The following SLC25A26 variants were observed in gnomAD, a reference collection of about 807,000 sequenced individuals.
The protein encoded by SLC25A26 is solute carrier family 25 member 26, also known as mitochondrial S-adenosylmethionine carrier protein.
Under a neutral mutation model 37.8 loss-of-function variants are expected in SLC25A26, and 36 were observed. That is an observed-to-expected ratio of 0.95 (90% CI 0.73 to 1.26). The LOEUF (loss-of-function observed/expected upper bound fraction) is 1.26, where lower values mean the gene tolerates loss of function less well. Ranked by LOEUF, SLC25A26 falls within the 50% of genes most tolerant of loss-of-function variation. The pLI is 0.00. For missense variants in SLC25A26, 390 were observed against 331.1 expected, an observed-to-expected ratio of 1.18 and a Z score of -1.38; for synonymous variants, 129 against 122.5, an observed-to-expected ratio of 1.05 and a Z score of -0.35.
intron 1 of SLC25A26, among the ~76,000 whole-genome samples, chr3:66,235,685 A>G (rs568428363): frequency 6.6e-6 from 1 of 152,344 alleles, no homozygotes; most frequent in South Asian, 2.1e-4. Context: ...TCTGACGTGA[A>G]AAGATAAATC....
chr3:66,357,833 G>A (rs1216767793), intron 6 of SLC25A26, among the ~76,000 whole-genome samples: 1 of 152,146 alleles, frequency 6.6e-6, no homozygotes, highest in Non-Finnish European at 1.5e-5. Context: ...ATATGATAGT[G>A]AGGAAACAGA....
chr3:66,263,673 T>G (rs113426811), intron 5 of SLC25A26, among the ~76,000 whole-genome samples: 1 of 133,066 alleles, frequency 7.5e-6, no homozygotes, highest in East Asian at 2.1e-4. Flanking sequence ...TTGTTTGTTT[T>G]TTTGAAATGC....
chr3:66,334,324 T>C (rs905009469), intron 5 of SLC25A26, among the ~76,000 whole-genome samples: 2 of 152,118 alleles, frequency 1.3e-5, no homozygotes, highest in African/African-American at 4.8e-5. Flanking sequence ...CTTTGTTTTG[T>C]TTTGTTTTGA....
intron 5 of SLC25A26, among the ~76,000 whole-genome samples, chr3:66,287,695 G>A (rs1471355209): frequency 6.6e-6 from 1 of 152,190 alleles, no homozygotes. Flanking sequence ...ATCCAAGCAC[G>A]AAGGATCTTT....
intron 1 of SLC25A26, among the ~76,000 whole-genome samples, chr3:66,235,932 G>C (rs2072257240): frequency 1.3e-5 from 2 of 152,152 alleles, no homozygotes; most frequent in South Asian, 4.1e-4. Flanking sequence ...ATTTTTAAGA[G>C]ACAGGGTCTT....
At chr3:66,370,323 G>A (rs998285394) in intron 8 of SLC25A26, among the ~76,000 whole-genome samples, 2 of 152,166 alleles carry the variant, frequency 1.3e-5, no homozygotes, top group Admixed American at 6.5e-5. Flanking sequence ...GTGTGGCATG[G>A]GCCACATCCC....
chr3:66,312,635 A>G lies in SLC25A26; in HGVS notation c.454-33729A>G, dbSNP rs564354980. ...AACCCAAGACCCTGGTGGCGTAGGC[A>G]CTAGAGGGAATCTCCTCGTCTGTGG... On this transcript the variant is annotated intron_variant, in intron 5 of 9. Coordinates refer to ENST00000354883, the MANE Select transcript of SLC25A26 (RefSeq NM_001379210.1). Among the ~76,000 whole-genome samples, 7 of 152,146 alleles carry G rather than the reference A, an allele frequency of 4.6e-5. No individual in the cohort carries two copies. In the South Asian group the frequency reaches 1.5e-3, roughly 32 times the overall value.
chr3:66,288,994 T>C (rs1443631429), intron 5 of SLC25A26, among the ~76,000 whole-genome samples: 1 of 152,166 alleles, frequency 6.6e-6, no homozygotes, highest in African/African-American at 2.4e-5. Context: ...ATCTGTTGTT[T>C]CCTGACTTTT....
intron 5 of SLC25A26, among the ~76,000 whole-genome samples, chr3:66,341,337 A>C (rs1351503616): frequency 6.6e-6 from 1 of 152,162 alleles, no homozygotes; most frequent in African/African-American, 2.4e-5. Context: ...ACTTGTTTCC[A>C]GGGCTTTAGA....
intron 1 of SLC25A26, among the ~76,000 whole-genome samples, chr3:66,206,702 G>T (rs1001936004): frequency 2.0e-5 from 3 of 147,600 alleles, no homozygotes; most frequent in Non-Finnish European, 4.5e-5. Flanking sequence ...GTACTTACAG[G>T]TTCTTTTTTT....
At chr3:66,152,520 T>C (rs114953780) in intron 1 of SLC25A26, among the ~76,000 whole-genome samples, 7 of 152,178 alleles carry the variant, frequency 4.6e-5, no homozygotes, top group African/African-American at 1.4e-4. Flanking sequence ...TGGAGTGTCC[T>C]TTTCATTTTT....
chr3:66,277,319 A>G (rs1043574021), intron 5 of SLC25A26, among the ~76,000 whole-genome samples: 3 of 152,176 alleles, frequency 2.0e-5, no homozygotes, highest in African/African-American at 7.2e-5. Flanking sequence ...GTAAATATGT[A>G]TAATGTATCA....
intron 5 of SLC25A26, 32 bp downstream of exon 5, chr3:66,263,411 G>C: frequency 7.1e-7 from 1 of 1,404,448 alleles, no homozygotes; most frequent in Non-Finnish European, 1.0e-6. Context: ...ATTGAAGTAC[G>C]AAAGAATGAT....
intron 1 of SLC25A26, among the ~76,000 whole-genome samples, chr3:66,204,388 T>C (rs2071147874): frequency 2.5e-5 from 3 of 122,446 alleles, no homozygotes; most frequent in African/African-American, 8.8e-5. Flanking sequence ...ATCGCGCCAC[T>C]GCACTCCAGC....
At chr3:66,363,856 TCAA>T (rs1240869018) in intron 7 of SLC25A26, among the ~76,000 whole-genome samples, 1 of 152,202 alleles carries the variant, frequency 6.6e-6, no homozygotes, top group Non-Finnish European at 1.5e-5. Flanking sequence ...GAATTGATAA[TCAA>T]CAATAAGAAT....
At chr3:66,145,945 G>C (rs140724193) in intron 1 of SLC25A26, among the ~76,000 whole-genome samples, 293 of 152,240 alleles carry the variant, frequency 1.9e-3, no homozygotes, top group Middle Eastern at 6.8e-3. Flanking sequence ...ACTTTTGTGT[G>C]ATTAAAGTTT....
chr3:66,347,745 C>T (rs1047039982), intron 6 of SLC25A26, among the ~76,000 whole-genome samples: 1 of 152,184 alleles, frequency 6.6e-6, no homozygotes, highest in African/African-American at 2.4e-5. Context: ...CAATGATAGA[C>T]TGCATAAAGA....
intron 7 of SLC25A26, among the ~76,000 whole-genome samples, chr3:66,363,319 C>G (rs2061874): frequency 1.3e-5 from 2 of 151,900 alleles, no homozygotes; most frequent in Admixed American, 6.5e-5. Flanking sequence ...TGCAGAAGGC[C>G]ATGATTCACG....
intron 1 of SLC25A26, among the ~76,000 whole-genome samples, chr3:66,181,780 CTTTTTTTTTT>C (rs922019884): frequency 9.3e-5 from 9 of 97,054 alleles, no homozygotes; most frequent in South Asian, 4.0e-4. Context: ...CTCCCCTTGT[CTTTTTTTTTT>C]TTTTTTTTTT....
Sources: allele counts gnomAD v4.1 joint callset (sites outside exome capture counted in the v4.1 genomes callset), GRCh38; gene constraint gnomAD v4.1.1; transcripts MANE v1.5; gene names NCBI Gene and HGNC (gene_info 2026-07-23, HGNC 2026-07-21).